The following NET1 variants were observed in gnomAD, a reference collection of about 807,000 sequenced individuals.
NET1 encodes neuroepithelial cell transforming 1, also known as neuroepithelial cell-transforming gene 1 protein.
A neutral mutation model predicts 61.1 loss-of-function variants in NET1; 42 were observed. The observed-to-expected ratio is 0.69, with a 90% CI of 0.54 to 0.89. NET1 has a LOEUF of 0.89. Among genes scored for constraint, NET1 ranks in the 40% least tolerant of loss-of-function variants. The pLI, the probability that NET1 is intolerant of heterozygous loss-of-function variation, is 0.00. For synonymous variants in NET1, 254 were observed against 281.8 expected (o/e 0.90, Z 0.99); for missense variants, 654 against 747.3 (o/e 0.88, Z 1.46).
Position 5,456,872 on chromosome 10 carries a change from G to T in NET1, c.1669G>T (p.Gly557Cys). The T allele has an allele frequency of 6.2e-7, 1 of 1,614,138 alleles. No homozygotes were observed. The change falls in exon 12 of 12, where the codon GGC becomes TGC. Residue 557 changes from glycine to cysteine, a missense_variant. By Grantham distance (159) the Gly-to-Cys change is radical. Transcript: ENST00000355029. This position sits in a 1 kb window ranked among gnomAD's most constrained non-coding sequence, Gnocchi z 7.0. ...AGTTGATGAAAACGCTTACAGATGT[G>T]GCTCTGGCATGCAGATGGCAGAGGA... is the stretch of plus-strand genomic sequence containing the variant. ...VEVDENAYRC[G>C]SGMQMAEDSK...
chr10:5,455,936 G>A lies in NET1; in HGVS notation c.1198-151G>A. ...ATAGAACATGCTTAGCCTTGAAATT[G>A]CCATCTTTATGGATTACTAGATTTG... On this transcript the variant is annotated intron_variant, in intron 10 of 11. Coordinates refer to ENST00000355029, the MANE Select transcript of NET1 (RefSeq NM_001047160.3). The surrounding 1 kb of genome is among the most constrained non-coding windows in gnomAD (Gnocchi z 6.5). 1 of 701,544 alleles carries A rather than the reference G, an allele frequency of 1.4e-6. No homozygotes were observed. The highest frequency in any genetic ancestry group is 2.2e-6 in the Non-Finnish European group (1 of 446,708). 43.5% of individuals were successfully genotyped at this position (701,544 alleles called of 1,614,324 possible).
rs1256594617 is a variant in NET1 at position 5,427,704 on chromosome 10, C to CCT, written c.195+983_195+984insCT. On this transcript the variant is annotated intron_variant, in intron 2 of 11. Transcript: ENST00000355029. This position sits in a 1 kb window ranked among gnomAD's most constrained non-coding sequence, Gnocchi z 4.1. ...TATATTGTTCTTTCATGTCTTAGAT[C>CCT]ATTTTCCTAATGTCTTTTAGCTCAA... Among the ~76,000 whole-genome samples the CCT allele has an allele frequency of 1.3e-5, 2 of 152,194 alleles. No homozygotes were observed. Among genetic ancestry groups the CCT allele is most frequent in the Non-Finnish European group, 2.9e-5 (2 of 68,030 alleles).
rs778806339 is a variant in NET1 at position 5,429,228 on chromosome 10, A to C, written c.254A>C (p.Lys85Thr). The change falls in exon 3 of 12, where the codon AAG becomes ACG. Residue 85 changes from lysine to threonine, a missense_variant and splice_region_variant. Coordinates refer to ENST00000355029, the MANE Select transcript of NET1 (RefSeq NM_001047160.3). ...DVVSLSSLDL[K>T]EPSNKRVRPL... Reference sequence around the variant, plus strand: ...GTAAGCCTTAGCAGCCTTGATCTGAAGGTAAGCCCTGCTGCCCTGTTAAAG... The same window carrying C: ...GTAAGCCTTAGCAGCCTTGATCTGACGGTAAGCCCTGCTGCCCTGTTAAAG... 3.7e-6 allele frequency: 6 copies of C among 1,603,690 alleles called. No homozygotes were observed. The highest frequency in any genetic ancestry group is 4.3e-6 in the Non-Finnish European group (5 of 1,173,416).
chr10:5,426,458 G>T lies in NET1; in HGVS notation c.129-197G>T, dbSNP rs543351206. Among the ~76,000 whole-genome samples the T allele has an allele frequency of 6.6e-6, 1 of 152,178 alleles. No individual in the cohort carries two copies. Among genetic ancestry groups the T allele is most frequent in the South Asian group, 2.1e-4 (1 of 4,824 alleles). ...GGCCTTTTCACTCTAAAGATGCTGA[G>T]AATGACCAAAACCTATACCCTGTTT... On this transcript the variant is annotated intron_variant, in intron 1 of 11. Coordinates refer to ENST00000355029, the MANE Select transcript of NET1 (RefSeq NM_001047160.3). The surrounding 1 kb of genome is among the most constrained non-coding windows in gnomAD (Gnocchi z 4.6).
intron 2 of NET1, among the ~76,000 whole-genome samples, chr10:5,428,143 T>A (rs1191315389): frequency 6.7e-6 from 1 of 149,750 alleles, no homozygotes; most frequent in Non-Finnish European, 1.5e-5. Context: ...GCCAGGAAGT[T>A]GACGGGAACC....
chr10:5,432,306 T>G (rs1008540300), intron 3 of NET1, among the ~76,000 whole-genome samples: 2 of 152,240 alleles, frequency 1.3e-5, no homozygotes, highest in Non-Finnish European at 2.9e-5. Flanking sequence ...CTTATCAGTC[T>G]TACTATGTAG....
In NET1 at chr10:5,453,196, C is replaced by A; in HGVS notation, c.595-54C>A. 1.0e-6 allele frequency: 1 copy of A among 994,846 alleles called. No individual in the cohort carries two copies. Among genetic ancestry groups the A allele is most frequent in the Non-Finnish European group, 1.6e-6 (1 of 616,798 alleles). 61.6% of individuals were successfully genotyped at this position (994,846 alleles called of 1,614,324 possible). A position where few individuals can be genotyped will look rare whatever the true frequency, so the allele number is the denominator to read the frequency against. ...ATTCTCTTTGTTTCCAAGTATAGAT[C>A]CCTCATGTTTTCCTCACATGATCTC... On this transcript the variant is annotated intron_variant, in intron 6 of 11. Coordinates refer to ENST00000355029, the MANE Select transcript of NET1 (RefSeq NM_001047160.3). This position sits in a 1 kb window ranked among gnomAD's most constrained non-coding sequence, Gnocchi z 4.9.
At chr10:5,448,689 T>TTTTTTA (rs1832657522) in intron 3 of NET1, among the ~76,000 whole-genome samples, 1 of 150,628 alleles carries the variant, frequency 6.6e-6, no homozygotes, top group African/African-American at 2.4e-5. Flanking sequence ...TTTTTTTTTT[T>TTTTTTA]GAGGAGAGTA....
Position 5,452,977 on chromosome 10 carries a change from A to C in NET1, c.594+57A>C, listed in dbSNP as rs563861451. On this transcript the variant is annotated intron_variant, in intron 6 of 11. Transcript: ENST00000355029. This position sits in a 1 kb window ranked among gnomAD's most constrained non-coding sequence, Gnocchi z 4.0. ...GTTTTTAAAAATTACATTTCACAAA[A>C]TCTAAAGGATAGTTTTCTTAACCTT... 28 of 1,163,690 alleles carry C rather than the reference A, an allele frequency of 2.4e-5. No homozygotes were observed. In the East Asian group the frequency reaches 6.5e-4, roughly 27 times the overall value. The allele number at this position is 1,163,690 out of a possible 1,614,324, so 72.1% of individuals were successfully genotyped here.
chr10:5,438,477 A>G (rs1394041995), intron 3 of NET1, among the ~76,000 whole-genome samples: 1 of 152,200 alleles, frequency 6.6e-6, no homozygotes, highest in East Asian at 1.9e-4. Flanking sequence ...GTATGCCAAC[A>G]AATGGATAAT....
At chr10:5,430,875 C>CTTT (rs71294427) in intron 3 of NET1, among the ~76,000 whole-genome samples, 5 of 137,668 alleles carry the variant, frequency 3.6e-5, no homozygotes, top group Admixed American at 7.2e-5. Flanking sequence ...AACTATATCT[C>CTTT]TTTTTTTTTT....
chr10:5,454,339 A>G lies in NET1; in HGVS notation c.843A>G (p.Lys281=), dbSNP rs1283473047. 13 of 1,614,086 alleles carry G rather than the reference A, an allele frequency of 8.1e-6. No homozygotes were observed. The highest frequency in any genetic ancestry group is 1.3e-5 in the African/African-American group (1 of 74,938). Residue 281 remains lysine, a synonymous_variant, in exon 9 of 12, where the codon AAA becomes AAG. Coordinates refer to ENST00000355029, the MANE Select transcript of NET1 (RefSeq NM_001047160.3). The surrounding 1 kb of genome is among the most constrained non-coding windows in gnomAD (Gnocchi z 8.1). ...LAAKALLDQK[K]QDPRVQDFLQ... ...CCAAAGCTCTTCTTGATCAAAAGAAACAGGATCCAAGAGTCCAAGACTTCC... is the reference window on the plus strand; with the variant it reads ...CCAAAGCTCTTCTTGATCAAAAGAAGCAGGATCCAAGAGTCCAAGACTTCC...
In NET1 at chr10:5,457,656, T is replaced by A. The variant is rs1372105926; in HGVS notation, c.*662T>A. On this transcript the variant is annotated 3_prime_UTR_variant, in exon 12 of 12. Transcript: ENST00000355029. This position sits in a 1 kb window ranked among gnomAD's most constrained non-coding sequence, Gnocchi z 5.4. The stretch of plus-strand genomic sequence containing the variant: ...GCTTTTATTTTTTTACTTTGATGCC[T>A]TTTCAAATTGGCATGTCTTTAAAGT... 6.6e-6 allele frequency: 1 copy of A among 152,632 alleles called. No individual in the cohort carries two copies. Among genetic ancestry groups the A allele is most frequent in the Non-Finnish European group, 1.5e-5 (1 of 68,024 alleles). 9.5% of individuals were successfully genotyped at this position (152,632 alleles called of 1,614,324 possible).
rs904013091 is a variant in NET1, at chr10:5,424,251, T to A, written c.129-2404T>A. ...ATTAGATTTAAAATAACCTGAGACA[T>A]CATAATTGTTTTTTCTTAAGCCAGT... On this transcript the variant is annotated intron_variant, in intron 1 of 11. Transcript: ENST00000355029. This position sits in a 1 kb window ranked among gnomAD's most constrained non-coding sequence, Gnocchi z 6.1. Among the ~76,000 whole-genome samples, 1 of 152,154 alleles carries A rather than the reference T, an allele frequency of 6.6e-6. No homozygotes were observed. The highest frequency in any genetic ancestry group is 2.4e-5 in the African/African-American group (1 of 41,416).
At chr10:5,419,512 T>C (rs889038403) in intron 1 of NET1, among the ~76,000 whole-genome samples, 6 of 152,264 alleles carry the variant, frequency 3.9e-5, no homozygotes, top group Admixed American at 3.9e-4. Flanking sequence ...TAAGTGAGAA[T>C]TTTCTAATTT....
chr10:5,428,688 C>T (rs1250061514), intron 2 of NET1, among the ~76,000 whole-genome samples: 1 of 150,794 alleles, frequency 6.6e-6, no homozygotes, highest in African/African-American at 2.4e-5. Flanking sequence ...ATTCCAAAGA[C>T]AATTCATGAG....
chr10:5,425,651 A>G (rs974059406), intron 1 of NET1, among the ~76,000 whole-genome samples: 26 of 152,290 alleles, frequency 1.7e-4, no homozygotes, highest in African/African-American at 6.3e-4. Flanking sequence ...AGCCTCCATC[A>G]GGCCATACCT....
chr10:5,418,234 C>A (rs770351755), intron 1 of NET1, among the ~76,000 whole-genome samples: 3 of 151,730 alleles, frequency 2.0e-5, no homozygotes, highest in Non-Finnish European at 4.4e-5. Flanking sequence ...AATTGGTATT[C>A]TTTCAATGTT....
chr10:5,433,107 C>T (rs1832374405), intron 3 of NET1, among the ~76,000 whole-genome samples: 1 of 152,162 alleles, frequency 6.6e-6, no homozygotes, highest in Admixed American at 6.5e-5. Flanking sequence ...ACTTTCCTCC[C>T]ATTTTTAAAA....
Sources: gnomAD v4.1 joint callset for allele counts (sites outside exome capture counted in the v4.1 genomes callset) on GRCh38, gnomAD v4.1.1 for gene constraint, Gnocchi (gnomAD v3.1) non-coding constraint, MANE v1.5 for transcripts, NCBI Gene and HGNC (gene_info 2026-07-23, HGNC 2026-07-21) for gene names.